KDM4C: variants seen among roughly 807,000 people sequenced by gnomAD.
The protein encoded by KDM4C is lysine demethylase 4C, also known as lysine-specific demethylase 4C.
In KDM4C, 81 loss-of-function variants were observed where a neutral mutation model predicts 129.3. The observed-to-expected ratio is 0.63, with a 90% CI of 0.52 to 0.75. The LOEUF (loss-of-function observed/expected upper bound fraction) is 0.75. KDM4C is among the 30% of genes least tolerant of loss of function. The pLI is 0.00. For missense variants in KDM4C, 1,457 were observed against 1,304.0 expected (o/e 1.12, Z -1.81); for synonymous variants, 573 against 456.1 (o/e 1.26, Z -3.26).
intron 17 of KDM4C, among the ~76,000 whole-genome samples, chr9:7,074,667 G>C (rs1019092927): frequency 2.0e-5 from 3 of 152,036 alleles, no homozygotes; most frequent in Non-Finnish European, 2.9e-5. Flanking sequence ...ATTAAATTCA[G>C]ATTTAGCAAT....
At chr9:6,859,936 A>C (rs912173474) in intron 5 of KDM4C, among the ~76,000 whole-genome samples, 4 of 151,998 alleles carry the variant, frequency 2.6e-5, no homozygotes, top group African/African-American at 4.8e-5. Flanking sequence ...TAAGTCTTGC[A>C]GTTGGGATTC....
In KDM4C at chr9:6,963,001, G is replaced by C. The variant is rs141380100; in HGVS notation, c.922-17924G>C. 4.6e-5 allele frequency among the ~76,000 whole-genome samples: 7 copies of C among 152,314 alleles called. No individual in the cohort carries two copies. In the East Asian group the frequency reaches 1.3e-3, roughly 29 times the overall value. On this transcript the variant is annotated intron_variant, in intron 8 of 21. Coordinates refer to ENST00000381309, the MANE Select transcript of KDM4C (RefSeq NM_015061.6). ...TGGTTTAAAATTAAAATTTGAGCCA[G>C]TAATGTCTTGTGGAATCAGGCTTCT...
chr9:6,759,772 G>A (rs1410247975), intron 1 of KDM4C, among the ~76,000 whole-genome samples: 1 of 151,710 alleles, frequency 6.6e-6, no homozygotes, highest in Non-Finnish European at 1.5e-5. Context: ...GGCCAAAATG[G>A]CGAAACCTCG....
intron 17 of KDM4C, among the ~76,000 whole-genome samples, chr9:7,066,570 A>G (rs1219565878): frequency 2.0e-5 from 3 of 152,258 alleles, no homozygotes; most frequent in Non-Finnish European, 4.4e-5. Flanking sequence ...CATTTTAGAA[A>G]TGACAATAAA....
At chr9:7,140,971 G>C (rs746524118) in intron 19 of KDM4C, among the ~76,000 whole-genome samples, 2 of 152,198 alleles carry the variant, frequency 1.3e-5, no homozygotes, top group Non-Finnish European at 2.9e-5. Flanking sequence ...CAGAGGGAAG[G>C]CAAGTGCAGC....
intron 1 of KDM4C, among the ~76,000 whole-genome samples, chr9:6,734,429 G>C (rs768070704): frequency 3.3e-4 from 50 of 151,952 alleles, no homozygotes; most frequent in Admixed American, 7.9e-4. Context: ...CGAGTAGCTG[G>C]GATTACAGGC....
chr9:6,759,823 G>A (rs2130395850), intron 1 of KDM4C, among the ~76,000 whole-genome samples: 1 of 151,778 alleles, frequency 6.6e-6, no homozygotes, highest in South Asian at 2.1e-4. Context: ...CATGGTGGCA[G>A]GCGCCTGTAA....
intron 15 of KDM4C, among the ~76,000 whole-genome samples, chr9:7,025,570 A>G (rs988160074): frequency 7.9e-5 from 12 of 152,328 alleles, no homozygotes; most frequent in Middle Eastern, 3.4e-3. Context: ...ATATTATCTT[A>G]CAACCTATTA....
intron 15 of KDM4C, among the ~76,000 whole-genome samples, chr9:7,035,203 G>T (rs918709152): frequency 6.6e-6 from 1 of 150,766 alleles, no homozygotes; most frequent in African/African-American, 2.4e-5. Context: ...TAGTAGAGAT[G>T]AGGTTTTGCC....
At chr9:6,899,948 G>A (rs1817109382) in intron 8 of KDM4C, among the ~76,000 whole-genome samples, 2 of 152,186 alleles carry the variant, frequency 1.3e-5, no homozygotes, top group East Asian at 3.8e-4. Flanking sequence ...TACCTTAAAA[G>A]AAAGTAAATT....
intron 19 of KDM4C, among the ~76,000 whole-genome samples, chr9:7,158,396 A>G (rs1843420841): frequency 6.8e-6 from 1 of 147,644 alleles, no homozygotes. Context: ...CTTGTCTTCC[A>G]GTAGCTCTTG....
chr9:6,908,611 TG>T (rs1335201914), intron 8 of KDM4C, among the ~76,000 whole-genome samples: 2 of 150,414 alleles, frequency 1.3e-5, no homozygotes, highest in Non-Finnish European at 3.0e-5. Context: ...AAGATCTTCT[TG>T]GGGGGAGGAT....
intron 5 of KDM4C, among the ~76,000 whole-genome samples, chr9:6,867,023 T>A (rs1386083783): frequency 1.8e-4 from 23 of 124,518 alleles, no homozygotes; most frequent in African/African-American, 2.8e-4. Flanking sequence ...ATATATTTTT[T>A]TTTTTTTTTG....
intron 7 of KDM4C, among the ~76,000 whole-genome samples, chr9:6,892,794 T>C (rs1305040251): frequency 6.6e-6 from 1 of 152,240 alleles, no homozygotes; most frequent in Non-Finnish European, 1.5e-5. Flanking sequence ...ATAGCTAATA[T>C]GAACAAATTT....
chr9:6,788,755 T>C (rs148103958), intron 1 of KDM4C, among the ~76,000 whole-genome samples: 1 of 152,136 alleles, frequency 6.6e-6, no homozygotes, highest in Non-Finnish European at 1.5e-5. Context: ...GTGCCAGCAG[T>C]TGGGACAGGC....
At chr9:7,029,031 ATGAAGGT>A (rs1361769135) in intron 15 of KDM4C, among the ~76,000 whole-genome samples, 1 of 152,124 alleles carries the variant, frequency 6.6e-6, no homozygotes, top group Non-Finnish European at 1.5e-5. Flanking sequence ...TTTGGTTCTT[ATGAAGGT>A]ACTTTTTTAT....
intron 1 of KDM4C, among the ~76,000 whole-genome samples, chr9:6,746,825 G>T (rs930402476): frequency 1.3e-5 from 2 of 149,586 alleles, no homozygotes; most frequent in Admixed American, 1.3e-4. Context: ...TGGCTAACAC[G>T]GTGAAACCGT....
At chr9:6,976,334 A>G (rs563823127) in intron 8 of KDM4C, among the ~76,000 whole-genome samples, 1 of 152,328 alleles carries the variant, frequency 6.6e-6, no homozygotes, top group Admixed American at 6.5e-5. Context: ...CAAGTTAGAA[A>G]TAACTGTTAA....
At chr9:6,800,608 T>C (rs1414086228) in intron 2 of KDM4C, among the ~76,000 whole-genome samples, 3 of 152,038 alleles carry the variant, frequency 2.0e-5, no homozygotes, top group Non-Finnish European at 2.9e-5. Flanking sequence ...CTATCTATTT[T>C]ATTTTATTTT....
Sources: allele counts gnomAD v4.1 joint callset (sites outside exome capture counted in the v4.1 genomes callset), GRCh38; gene constraint gnomAD v4.1.1; transcripts MANE v1.5; gene names NCBI Gene and HGNC (gene_info 2026-07-23, HGNC 2026-07-21).